FSTL5: variants seen among roughly 807,000 people sequenced by gnomAD.
The protein encoded by FSTL5 is follistatin like 5.
In FSTL5, 62 loss-of-function variants were observed where a neutral mutation model predicts 89.1. The ratio of observed to expected loss-of-function variants is 0.70; its 90% confidence interval spans 0.57 to 0.86. The LOEUF is 0.86. Ranked by LOEUF, FSTL5 falls within the 40% of genes least tolerant of loss-of-function variation. FSTL5 has a pLI of 0.00. For missense variants in FSTL5, 1,057 were observed against 1,001.6 expected, an observed-to-expected ratio of 1.06 and a Z score of -0.75; for synonymous variants, 383 against 346.2, an observed-to-expected ratio of 1.11 and a Z score of -1.18.
intron 3 of FSTL5, among the ~76,000 whole-genome samples, chr4:161,951,214 G>T (rs970185858): frequency 6.6e-6 from 1 of 151,982 alleles, no homozygotes; most frequent in Admixed American, 6.6e-5. Flanking sequence ...GTGGAACTTT[G>T]AGTCCATTAA....
At chr4:161,441,427 T>C (rs927438961) in intron 15 of FSTL5, among the ~76,000 whole-genome samples, 2 of 152,130 alleles carry the variant, frequency 1.3e-5, no homozygotes, top group Non-Finnish European at 2.9e-5. Context: ...TTATAATTTA[T>C]GCCGAAATAT....
chr4:162,156,188 T>G (rs1177350434), intron 1 of FSTL5, among the ~76,000 whole-genome samples: 1 of 152,040 alleles, frequency 6.6e-6, no homozygotes, highest in Non-Finnish European at 1.5e-5. Flanking sequence ...CAAACCACAG[T>G]AAGACACCAT....
rs1732742735 is a variant in FSTL5, at chr4:161,564,845, T to C, written c.1016-22152A>G. Among the ~76,000 whole-genome samples, 4 of 151,816 alleles carry C rather than the reference T, an allele frequency of 2.6e-5. No individual in the cohort carries two copies. In the South Asian group the frequency reaches 8.3e-4, roughly 31 times the overall value. On this transcript the variant is annotated intron_variant, in intron 8 of 15. Coordinates refer to ENST00000306100, the MANE Select transcript of FSTL5 (RefSeq NM_020116.5). Reference sequence around the variant, plus strand: ...ATACTATTTGTTTTTATTCTAAAATTCACTGGTGTTAAATCAAAAAATGAG... The same window carrying C: ...ATACTATTTGTTTTTATTCTAAAATCCACTGGTGTTAAATCAAAAAATGAG...
intron 3 of FSTL5, among the ~76,000 whole-genome samples, chr4:161,940,590 G>A (rs1734553862): frequency 6.6e-6 from 1 of 151,420 alleles, no homozygotes; most frequent in Non-Finnish European, 1.5e-5. Flanking sequence ...AAAACACAGA[G>A]GCCAGAGGTA....
intron 4 of FSTL5, among the ~76,000 whole-genome samples, chr4:161,833,074 T>G (rs1579125621): frequency 1.3e-5 from 2 of 151,542 alleles, no homozygotes; most frequent in East Asian, 3.9e-4. Flanking sequence ...GATTCTGGTA[T>G]GTTGTGTCTT....
Position 161,779,788 on chromosome 4 carries a change from T to TAC in FSTL5, c.410-3715_410-3714insGT, listed in dbSNP as rs1560840880. On this transcript the variant is annotated intron_variant, in intron 4 of 15. Coordinates refer to ENST00000306100, the MANE Select transcript of FSTL5 (RefSeq NM_020116.5). ...ATATATATATATGTATATATATATA[T>TAC]ATATATATATATATATATATATGTA... 1.7e-3 allele frequency among the ~76,000 whole-genome samples: 76 copies of TAC among 43,452 alleles called. 5 individuals are homozygous for TAC. In the South Asian group the frequency reaches 0.075, roughly 43 times the overall value. The allele number at this position is 43,452 out of a possible 152,430, so 28.5% of individuals were successfully genotyped here.
intron 12 of FSTL5, among the ~76,000 whole-genome samples, chr4:161,492,460 T>C (rs542763367): frequency 2.0e-5 from 3 of 152,206 alleles, no homozygotes; most frequent in Non-Finnish European, 2.9e-5. Context: ...TAACTTTCTG[T>C]TAACATGTAT....
chr4:161,954,866 T>A (rs144201805), intron 3 of FSTL5, among the ~76,000 whole-genome samples: 1,527 of 151,658 alleles, frequency 0.01, 10 homozygotes, highest in Middle Eastern at 0.048. Flanking sequence ...ATTCAGATAA[T>A]GTGAAAAATA....
chr4:161,935,376 CA>C (rs1734404267), intron 3 of FSTL5, among the ~76,000 whole-genome samples: 1 of 152,080 alleles, frequency 6.6e-6, no homozygotes, highest in African/African-American at 2.4e-5. Context: ...AATGGGTGCT[CA>C]AAAAGGTCAA....
intron 1 of FSTL5, among the ~76,000 whole-genome samples, chr4:162,159,977 T>C (rs2110764374): frequency 6.6e-6 from 1 of 152,074 alleles, no homozygotes; most frequent in South Asian, 2.1e-4. Context: ...TTAAAAGTTA[T>C]ATATTGTATT....
chr4:162,121,389 C>G (rs577185907), intron 1 of FSTL5, among the ~76,000 whole-genome samples: 1 of 151,952 alleles, frequency 6.6e-6, no homozygotes, highest in South Asian at 2.1e-4. Context: ...AAAACAAGTC[C>G]CTGGACTGCA....
At chr4:161,547,317 C>T (rs771683427) in intron 8 of FSTL5, among the ~76,000 whole-genome samples, 19 of 151,986 alleles carry the variant, frequency 1.3e-4, no homozygotes, top group African/African-American at 4.6e-4. Flanking sequence ...TATTTCATTT[C>T]TCTGTTTATT....
chr4:161,528,046 C>A lies in FSTL5; in HGVS notation c.1312+10120G>T, dbSNP rs561873263. 2.9e-3 allele frequency among the ~76,000 whole-genome samples: 431 copies of A among 149,910 alleles called. 2 individuals carry two copies. Among genetic ancestry groups the A allele is most frequent in the African/African-American group, 0.01 (420 of 40,426 alleles). On this transcript the variant is annotated intron_variant, in intron 10 of 15. Transcript: ENST00000306100. ...CACTCTCAGTAAACTATGGCAAGAACAAAAAACCAAACACGGCATATTCTC... is the reference window on the plus strand; with the variant it reads ...CACTCTCAGTAAACTATGGCAAGAAAAAAAAACCAAACACGGCATATTCTC...
intron 3 of FSTL5, among the ~76,000 whole-genome samples, chr4:161,963,568 A>T (rs1216624011): frequency 6.6e-6 from 1 of 151,962 alleles, no homozygotes; most frequent in Non-Finnish European, 1.5e-5. Context: ...CATAACAAAA[A>T]ATATGGGATT....
chr4:161,693,998 T>TTTAG (rs1237499893), intron 6 of FSTL5, among the ~76,000 whole-genome samples: 1 of 152,164 alleles, frequency 6.6e-6, no homozygotes, highest in African/African-American at 2.4e-5. Flanking sequence ...TTTTATTTAT[T>TTTAG]TTAGTTATTT....
chr4:161,723,789 G>A (rs1404328788), intron 6 of FSTL5, among the ~76,000 whole-genome samples: 1 of 152,040 alleles, frequency 6.6e-6, no homozygotes, highest in Non-Finnish European at 1.5e-5. Context: ...ATTGAAGAAC[G>A]AAACCTTAAA....
intron 1 of FSTL5, among the ~76,000 whole-genome samples, chr4:162,113,992 C>T (rs1731542701): frequency 6.6e-6 from 1 of 152,144 alleles, no homozygotes; most frequent in African/African-American, 2.4e-5. Context: ...AGCATTACAT[C>T]ACCTGGGCCT....
intron 5 of FSTL5, among the ~76,000 whole-genome samples, chr4:161,775,217 T>C (rs1260377612): frequency 1.3e-5 from 2 of 152,102 alleles, no homozygotes; most frequent in African/African-American, 2.4e-5. Context: ...AAAATCCACC[T>C]CAAGATATGT....
At chr4:162,042,771 A>C (rs1560987726) in intron 2 of FSTL5, among the ~76,000 whole-genome samples, 1 of 152,134 alleles carries the variant, frequency 6.6e-6, no homozygotes, top group East Asian at 1.9e-4. Context: ...CAGCCATACA[A>C]AATGATGAGT....
Sources: allele counts gnomAD v4.1 joint callset (sites outside exome capture counted in the v4.1 genomes callset), GRCh38; gene constraint gnomAD v4.1.1; transcripts MANE v1.5; gene names NCBI Gene and HGNC (gene_info 2026-07-23, HGNC 2026-07-21).